Variants in MPP7 observed in about 807,000 individuals in gnomAD.
MPP7 encodes the protein MAGUK p55 subfamily member 7.
MPP7 carries 60 observed loss-of-function variants against 76.5 expected under a neutral mutation model. The observed-to-expected ratio is 0.78, with a 90% CI of 0.64 to 0.97. MPP7 has a LOEUF of 0.97. MPP7 is among the 50% of genes least tolerant of loss of function. MPP7 has a pLI of 0.00. For missense variants in MPP7, 641 were observed against 694.0 expected (o/e 0.92, Z 0.86); for synonymous variants, 237 against 244.5 (o/e 0.97, Z 0.29).
chr10:28,310,002 C>CTTTTTT lies in MPP7; in HGVS notation c.-132+19921_-132+19926dup, dbSNP rs770667750. Reference sequence around the variant, plus strand: ...AACTGGGAGCCAATGCCAATTAAACCTTTTTTTTTTTTTTTTTTAAACGGA... The same window carrying CTTTTTT: ...AACTGGGAGCCAATGCCAATTAAACCTTTTTTTTTTTTTTTTTTTTTTTTAAACGGA... On this transcript the variant is annotated intron_variant, in intron 2 of 11. Coordinates refer to the MPP7 transcript ENST00000441595. 2.6e-3 allele frequency among the ~76,000 whole-genome samples: 284 copies of CTTTTTT among 111,296 alleles called. 2 individuals carry two copies. Among genetic ancestry groups the CTTTTTT allele is most frequent in the African/African-American group, 9.1e-3 (270 of 29,640 alleles). 73.0% of individuals were successfully genotyped at this position (111,296 alleles called of 152,430 possible).
intron 2 of MPP7, among the ~76,000 whole-genome samples, chr10:28,218,916 A>T (rs1193498365): frequency 2.0e-5 from 3 of 152,184 alleles, no homozygotes; most frequent in African/African-American, 7.2e-5. Context: ...GAAACTAGAG[A>T]ATTTCACACT....
At chr10:28,256,391 G>A (rs1038331279) in intron 1 of MPP7, among the ~76,000 whole-genome samples, 1 of 147,350 alleles carries the variant, frequency 6.8e-6, no homozygotes, top group African/African-American at 2.5e-5. Flanking sequence ...CAGATTAAAT[G>A]CACCCCCAGA....
intron 1 of MPP7, among the ~76,000 whole-genome samples, chr10:28,246,735 A>G (rs1410834863): frequency 1.3e-5 from 2 of 152,152 alleles, no homozygotes; most frequent in Non-Finnish European, 2.9e-5. Flanking sequence ...TCACTATCAC[A>G]AAAAGAGCAT....
intron 13 of MPP7, among the ~76,000 whole-genome samples, 170 bp downstream of exon 13, chr10:28,069,602 C>CAA (rs796973209): frequency 8.9e-6 from 1 of 111,994 alleles, no homozygotes. Flanking sequence ...GACTCCATCT[C>CAA]AAAAAAACAA....
intron 11 of MPP7, among the ~76,000 whole-genome samples, chr10:28,109,845 A>C (rs1474127713): frequency 8.0e-6 from 1 of 124,886 alleles, no homozygotes; most frequent in Non-Finnish European, 1.8e-5. Context: ...CCAGCCGCAG[A>C]CGCAAAAAAA....
intron 1 of MPP7, among the ~76,000 whole-genome samples, chr10:28,279,102 C>T (rs568787497): frequency 1.3e-5 from 2 of 152,086 alleles, no homozygotes; most frequent in Non-Finnish European, 1.5e-5. Flanking sequence ...GATCTAAATG[C>T]TGGTTTGATC....
chr10:28,060,395 AGGCACTCCAGTGCT>A (rs1851734092), intron 13 of MPP7, among the ~76,000 whole-genome samples: 1 of 152,228 alleles, frequency 6.6e-6, no homozygotes. Context: ...ACAAAGCCCA[AGGCACTCCAGTGCT>A]GACATGGCAA....
chr10:28,125,113 G>A, intron 6 of MPP7, 22 bp from the exon 7 acceptor site: 2 of 1,596,680 alleles, frequency 1.3e-6, no homozygotes, highest in African/African-American at 1.3e-5. Flanking sequence ...AAAACAAAAA[G>A]CATTTGTGGG....
At chr10:28,266,740 CAT>C (rs1030462163) in intron 1 of MPP7, among the ~76,000 whole-genome samples, 7 of 152,292 alleles carry the variant, frequency 4.6e-5, no homozygotes, top group Admixed American at 3.3e-4. Context: ...CCTCTGACAC[CAT>C]ATGTGTACCC....
At chr10:28,187,211 A>T (rs1261238963) in intron 3 of MPP7, among the ~76,000 whole-genome samples, 2 of 152,188 alleles carry the variant, frequency 1.3e-5, no homozygotes, top group Non-Finnish European at 2.9e-5. Flanking sequence ...ATTCACAAAT[A>T]TGGCTCCCAA....
chr10:28,115,072 T>TTTTGTTTG lies in MPP7; in HGVS notation c.952+4571_952+4578dup, dbSNP rs59333090. 2.2e-4 allele frequency among the ~76,000 whole-genome samples: 33 copies of TTTTGTTTG among 151,326 alleles called. No individual in the cohort carries two copies. The South Asian group carries it at 2.7e-3, about 12-fold the overall frequency. Reference sequence around the variant, plus strand: ...TATTAGGGGAAAAATACGTTAGGTTTTTTGTTTGTTTGTTTGTTTGTTTTG... The same window carrying TTTTGTTTG: ...TATTAGGGGAAAAATACGTTAGGTTTTTTGTTTGTTTGTTTGTTTGTTTGTTTGTTTTG... On this transcript the variant is annotated intron_variant, in intron 11 of 16. Transcript: ENST00000683449.
intron 11 of MPP7, among the ~76,000 whole-genome samples, chr10:28,090,806 C>G (rs1271657947): frequency 6.6e-6 from 1 of 152,130 alleles, no homozygotes; most frequent in East Asian, 1.9e-4. Flanking sequence ...AGGTTCTTTT[C>G]TCTAATGGAA....
intron 1 of MPP7, among the ~76,000 whole-genome samples, chr10:28,261,487 TGGGACAGCAGA>T (rs895949780): frequency 6.6e-6 from 1 of 152,148 alleles, no homozygotes; most frequent in Non-Finnish European, 1.5e-5. Context: ...TGGTCATAAG[TGGGACAGCAGA>T]GAAAGCCACA....
chr10:28,091,380 T>G (rs1264154025), intron 11 of MPP7, among the ~76,000 whole-genome samples: 1 of 151,714 alleles, frequency 6.6e-6, no homozygotes, highest in South Asian at 2.1e-4. Flanking sequence ...CTCCGCCTCC[T>G]GGGTTGAAGT....
chr10:28,296,300 CT>C (rs1197046066), intron 1 of MPP7, among the ~76,000 whole-genome samples: 6 of 152,136 alleles, frequency 3.9e-5, no homozygotes, highest in Non-Finnish European at 7.4e-5. Context: ...TATTTATTTT[CT>C]CTCTCCCAAA....
At chr10:28,329,453 C>T (rs1053573706) in intron 2 of MPP7, among the ~76,000 whole-genome samples, 9 of 151,952 alleles carry the variant, frequency 5.9e-5, no homozygotes, top group African/African-American at 2.2e-4. Context: ...ACAGTGAAAC[C>T]CTGTCTCTAC....
intron 1 of MPP7, among the ~76,000 whole-genome samples, chr10:28,241,503 A>G (rs1839267071): frequency 1.3e-5 from 2 of 152,198 alleles, no homozygotes; most frequent in Non-Finnish European, 2.9e-5. Context: ...TTTCAAACTG[A>G]GTTAAACTTT....
At chr10:28,162,614 T>C (rs927283878) in intron 3 of MPP7, among the ~76,000 whole-genome samples, 11 of 152,202 alleles carry the variant, frequency 7.2e-5, no homozygotes, top group Non-Finnish European at 1.3e-4. Context: ...CGTTGTTCAA[T>C]AGTCATCTAC....
At chr10:28,223,843 T>G (rs1391478947) in intron 2 of MPP7, among the ~76,000 whole-genome samples, 1 of 151,036 alleles carries the variant, frequency 6.6e-6, no homozygotes, top group East Asian at 1.9e-4. Flanking sequence ...ACCTAACACA[T>G]GCTCACTCTA....
Sources: allele counts gnomAD v4.1 joint callset (sites outside exome capture counted in the v4.1 genomes callset), GRCh38; gene constraint gnomAD v4.1.1; transcripts MANE v1.5; gene names NCBI Gene and HGNC (gene_info 2026-07-23, HGNC 2026-07-21).